RBMS3: variants seen among roughly 807,000 people sequenced by gnomAD.
RBMS3 encodes the protein RNA-binding motif, single-stranded-interacting protein 3.
RBMS3 carries 27 observed loss-of-function variants against 66.8 expected under a neutral mutation model. The observed-to-expected ratio is 0.40, with a 90% CI of 0.30 to 0.56. RBMS3 has a LOEUF of 0.56. RBMS3 is among the 20% of genes least tolerant of loss of function. The pLI is 0.40. For missense variants in RBMS3, 513 were observed against 549.5 expected, an observed-to-expected ratio of 0.93 and a Z score of 0.66; for synonymous variants, 188 against 183.0, an observed-to-expected ratio of 1.03 and a Z score of -0.22.
In RBMS3 at chr3:29,997,235, G is replaced by A. The variant is rs536178521; in HGVS notation, c.1307+6026G>A. Among the ~76,000 whole-genome samples the A allele has an allele frequency of 4.2e-4, 64 of 152,170 alleles. No homozygotes were observed. The Middle Eastern group carries it at 0.01, about 24-fold the overall frequency. On this transcript the variant is annotated intron_variant, in intron 14 of 14. Coordinates refer to ENST00000383767, the MANE Select transcript of RBMS3 (RefSeq NM_001003793.3). Reference sequence around the variant, plus strand: ...TAAACCAGGAAGAAGTTGAATCTCTGAATAGACCAATAACAGGAACTGAAA... The same window carrying A: ...TAAACCAGGAAGAAGTTGAATCTCTAAATAGACCAATAACAGGAACTGAAA...
At chr3:29,297,514 G>T (rs1274149096) in intron 1 of RBMS3, among the ~76,000 whole-genome samples, 1 of 151,772 alleles carries the variant, frequency 6.6e-6, no homozygotes, top group African/African-American at 2.4e-5. Flanking sequence ...ATCCATCTCT[G>T]CAATCAGCTG....
At chr3:29,723,085 C>T (rs1405523206) in intron 4 of RBMS3, among the ~76,000 whole-genome samples, 1 of 152,102 alleles carries the variant, frequency 6.6e-6, no homozygotes, top group African/African-American at 2.4e-5. Flanking sequence ...AAGTGATTCT[C>T]CTGCCTCATC....
intron 1 of RBMS3, among the ~76,000 whole-genome samples, chr3:29,334,694 C>T (rs765344846): frequency 6.6e-6 from 1 of 152,058 alleles, no homozygotes; most frequent in African/African-American, 2.4e-5. Flanking sequence ...CAGGACATGT[C>T]GTTGTTCAGG....
chr3:29,460,404 T>A (rs1376549244), intron 2 of RBMS3, among the ~76,000 whole-genome samples: 9 of 152,256 alleles, frequency 5.9e-5, no homozygotes, highest in Admixed American at 5.9e-4. Flanking sequence ...TGGTGGTGTT[T>A]CTGTGTAAAC....
intron 1 of RBMS3, among the ~76,000 whole-genome samples, chr3:29,323,679 TACAC>T (rs1337762998): frequency 8.5e-6 from 1 of 116,992 alleles, no homozygotes; most frequent in African/African-American, 3.7e-5. Flanking sequence ...CACATACAGT[TACAC>T]ACACACATAC....
intron 1 of RBMS3, among the ~76,000 whole-genome samples, chr3:29,388,649 A>G (rs1559540208): frequency 6.6e-6 from 1 of 152,110 alleles, no homozygotes; most frequent in Non-Finnish European, 1.5e-5. Flanking sequence ...ATCTCGGCTC[A>G]CTGCCAGCTC....
At chr3:29,551,378 A>G (rs2149032162) in intron 3 of RBMS3, among the ~76,000 whole-genome samples, 1 of 152,364 alleles carries the variant, frequency 6.6e-6, no homozygotes, top group Middle Eastern at 3.4e-3. Context: ...GAGAGTTATA[A>G]TACATAACAA....
intron 1 of RBMS3, among the ~76,000 whole-genome samples, chr3:29,317,444 C>T (rs953853596): frequency 6.6e-6 from 1 of 151,610 alleles, no homozygotes; most frequent in African/African-American, 2.4e-5. Flanking sequence ...AAAATCTCAC[C>T]TATTCTATCA....
intron 10 of RBMS3, among the ~76,000 whole-genome samples, chr3:29,925,583 G>A (rs966028862): frequency 1.3e-5 from 2 of 152,100 alleles, no homozygotes; most frequent in African/African-American, 2.4e-5. Flanking sequence ...TGGCTCTCAA[G>A]CAAGAACAAA....
At chr3:29,845,024 G>A (rs2058745711) in intron 6 of RBMS3, among the ~76,000 whole-genome samples, 1 of 152,208 alleles carries the variant, frequency 6.6e-6, no homozygotes, top group Non-Finnish European at 1.5e-5. Flanking sequence ...GATCAGAGAT[G>A]AAAGGAGAAC....
intron 1 of RBMS3, among the ~76,000 whole-genome samples, chr3:29,286,683 T>C (rs1166350753): frequency 6.6e-6 from 1 of 152,090 alleles, no homozygotes; most frequent in Non-Finnish European, 1.5e-5. Context: ...AAGTTCATTC[T>C]AGGTCTTTCT....
intron 1 of RBMS3, among the ~76,000 whole-genome samples, chr3:29,337,166 T>C (rs773283043): frequency 6.6e-6 from 1 of 152,150 alleles, no homozygotes; most frequent in Non-Finnish European, 1.5e-5. Context: ...TATGGAAATA[T>C]TTGTAAACTA....
At chr3:29,350,819 G>A (rs908267169) in intron 1 of RBMS3, among the ~76,000 whole-genome samples, 3 of 151,748 alleles carry the variant, frequency 2.0e-5, no homozygotes, top group Non-Finnish European at 2.9e-5. Flanking sequence ...GCACAGATAA[G>A]CCTTTTGCCA....
chr3:29,309,558 A>G (rs2034241779), intron 1 of RBMS3, among the ~76,000 whole-genome samples: 1 of 151,432 alleles, frequency 6.6e-6, no homozygotes, highest in Non-Finnish European at 1.5e-5. Flanking sequence ...TAAGAGGGAA[A>G]TTATAGAAAT....
chr3:29,317,882 A>T (rs2034781967), intron 1 of RBMS3, among the ~76,000 whole-genome samples: 1 of 151,796 alleles, frequency 6.6e-6, no homozygotes, highest in Non-Finnish European at 1.5e-5. Context: ...AGTGGAAATG[A>T]GTTATGAGCC....
At chr3:29,957,211 A>G (rs1481695645) in intron 12 of RBMS3, among the ~76,000 whole-genome samples, 1 of 152,072 alleles carries the variant, frequency 6.6e-6, no homozygotes, top group African/African-American at 2.4e-5. Context: ...TTCCAGTTTA[A>G]TTATCATTTC....
intron 4 of RBMS3, among the ~76,000 whole-genome samples, chr3:29,714,617 G>A (rs1311663501): frequency 2.6e-5 from 4 of 152,158 alleles, no homozygotes; most frequent in Admixed American, 6.6e-5. Flanking sequence ...TGAATATTTA[G>A]CTGTCATCTT....
intron 12 of RBMS3, among the ~76,000 whole-genome samples, chr3:29,967,949 T>G (rs1228835186): frequency 1.3e-5 from 2 of 152,226 alleles, no homozygotes; most frequent in Non-Finnish European, 2.9e-5. Flanking sequence ...TATTTTTGTG[T>G]TTTGTTTTAA....
chr3:29,750,642 C>T (rs1051999657), intron 5 of RBMS3, among the ~76,000 whole-genome samples: 2 of 152,066 alleles, frequency 1.3e-5, no homozygotes, highest in South Asian at 2.1e-4. Flanking sequence ...CAGATTACTT[C>T]ATCACCCATA....
Sources: gnomAD v4.1 joint callset for allele counts (sites outside exome capture counted in the v4.1 genomes callset) on GRCh38, gnomAD v4.1.1 for gene constraint, MANE v1.5 for transcripts, NCBI Gene and HGNC (gene_info 2026-07-23, HGNC 2026-07-21) for gene names.